HTR1F: variants seen among roughly 807,000 people sequenced by gnomAD.
HTR1F encodes 5-hydroxytryptamine receptor 1F, also known as 5-hydroxytryptamine (serotonin) receptor 1F, G protein-coupled.
A neutral mutation model predicts 24.0 loss-of-function variants in HTR1F; 17 were observed. The ratio of observed to expected loss-of-function variants is 0.71; its 90% CI spans 0.48 to 1.06. The LOEUF (loss-of-function observed/expected upper bound fraction) is 1.06. Among genes scored for constraint, HTR1F ranks in the 50% least tolerant of loss-of-function variants. HTR1F has a pLI of 0.00. For missense variants in HTR1F, 391 were observed against 427.8 expected (o/e 0.91, Z 0.76); for synonymous variants, 186 against 156.8 (o/e 1.19, Z -1.39).
intron 2 of HTR1F, among the ~76,000 whole-genome samples, chr3:87,939,247 T>G (rs1704502111): frequency 6.6e-6 from 1 of 152,130 alleles, no homozygotes; most frequent in South Asian, 2.1e-4. Flanking sequence ...TGGATAAGCT[T>G]TTTGATGTGC....
chr3:87,986,942 T>C (rs576911427), intron 2 of HTR1F, among the ~76,000 whole-genome samples: 4 of 152,056 alleles, frequency 2.6e-5, no homozygotes, highest in Non-Finnish European at 4.4e-5. Flanking sequence ...CCGTCTCTAC[T>C]AAAAATATAG....
intron 2 of HTR1F, among the ~76,000 whole-genome samples, chr3:87,967,265 C>A (rs1484988690): frequency 1.3e-5 from 2 of 152,082 alleles, no homozygotes; most frequent in East Asian, 1.9e-4. Flanking sequence ...GCCTTGCCAA[C>A]ATTTTGAAAC....
chr3:87,833,611 G>A (rs897954799), intron 2 of HTR1F, among the ~76,000 whole-genome samples: 1 of 152,022 alleles, frequency 6.6e-6, no homozygotes, highest in African/African-American at 2.4e-5. Flanking sequence ...AAGGGATCCT[G>A]CTGACTCAGC....
At chr3:87,858,769 T>C (rs1705254923) in intron 2 of HTR1F, among the ~76,000 whole-genome samples, 1 of 152,176 alleles carries the variant, frequency 6.6e-6, no homozygotes, top group Non-Finnish European at 1.5e-5. Flanking sequence ...AAAGAAATGC[T>C]TTACCATGAA....
intron 1 of HTR1F, among the ~76,000 whole-genome samples, chr3:87,813,319 G>A (rs187261206): frequency 6.6e-6 from 1 of 152,284 alleles, no homozygotes. Flanking sequence ...CTGCCCTACT[G>A]GATTTTGGAC....
At chr3:87,883,019 T>G (rs534129685) in intron 2 of HTR1F, among the ~76,000 whole-genome samples, 76 of 152,250 alleles carry the variant, frequency 5.0e-4, no homozygotes, top group Non-Finnish European at 9.1e-4. Context: ...CTGACCTCCA[T>G]GTAGCCTAAC....
chr3:87,802,801 A>G (rs1304160899), intron 1 of HTR1F, among the ~76,000 whole-genome samples: 1 of 152,150 alleles, frequency 6.6e-6, no homozygotes, highest in Non-Finnish European at 1.5e-5. Flanking sequence ...TTAGTTGCAT[A>G]TTTTCATGCC....
chr3:87,941,353 T>C (rs370478821), intron 2 of HTR1F, among the ~76,000 whole-genome samples: 1 of 152,214 alleles, frequency 6.6e-6, no homozygotes, highest in East Asian at 1.9e-4. Flanking sequence ...ATAGGCTGGA[T>C]ACGATCCTCA....
At chr3:87,795,147 C>A (rs1256433436) in intron 1 of HTR1F, among the ~76,000 whole-genome samples, 2 of 151,904 alleles carry the variant, frequency 1.3e-5, no homozygotes, top group Non-Finnish European at 2.9e-5. Flanking sequence ...GCCACCACAC[C>A]CAGCTAATTT....
At chr3:87,795,425 A>G (rs894304855) in intron 1 of HTR1F, among the ~76,000 whole-genome samples, 1 of 152,236 alleles carries the variant, frequency 6.6e-6, no homozygotes, top group Non-Finnish European at 1.5e-5. Context: ...CGTTAGTAAT[A>G]ACTGGGTAAT....
intron 2 of HTR1F, among the ~76,000 whole-genome samples, chr3:87,989,494 A>C (rs1705769947): frequency 6.6e-6 from 1 of 152,210 alleles, no homozygotes; most frequent in Non-Finnish European, 1.5e-5. Context: ...AAGACAAGTA[A>C]GCACTCTGAC....
intron 2 of HTR1F, among the ~76,000 whole-genome samples, chr3:87,962,960 ATT>A (rs1036852701): frequency 6.6e-6 from 1 of 151,586 alleles, no homozygotes; most frequent in South Asian, 2.1e-4. Flanking sequence ...AAAATTATGT[ATT>A]TTTTTTACTT....
chr3:87,989,147 A>G (rs751307172), intron 2 of HTR1F, among the ~76,000 whole-genome samples: 2 of 152,202 alleles, frequency 1.3e-5, no homozygotes, highest in Non-Finnish European at 2.9e-5. Flanking sequence ...AAAAAATGCT[A>G]TTTATCAAAG....
intron 2 of HTR1F, among the ~76,000 whole-genome samples, chr3:87,929,071 C>T (rs1265005768): frequency 6.6e-6 from 1 of 152,134 alleles, no homozygotes; most frequent in Non-Finnish European, 1.5e-5. Flanking sequence ...TAAAGTATGA[C>T]AGATTTACAT....
chr3:87,905,977 ATGGC>A (rs1472985835), intron 2 of HTR1F, among the ~76,000 whole-genome samples: 1 of 152,090 alleles, frequency 6.6e-6, no homozygotes, highest in African/African-American at 2.4e-5. Flanking sequence ...GGACTTTAGG[ATGGC>A]TGGCAAGGTT....
intron 2 of HTR1F, among the ~76,000 whole-genome samples, chr3:87,824,044 TA>T (rs35672458): frequency 0.15 from 19,596 of 134,596 alleles, 3,810 homozygotes; most frequent in African/African-American, 0.45. Flanking sequence ...AGACTCCGCC[TA>T]AAAAAAAAAA....
intron 2 of HTR1F, among the ~76,000 whole-genome samples, chr3:87,959,709 T>C (rs1254790463): frequency 6.6e-6 from 1 of 151,458 alleles, no homozygotes; most frequent in African/African-American, 2.4e-5. Flanking sequence ...TCTGATAATA[T>C]GAATTTCTTA....
At chr3:87,913,455 C>T (rs780165330) in intron 2 of HTR1F, among the ~76,000 whole-genome samples, 51 of 151,916 alleles carry the variant, frequency 3.4e-4, no homozygotes, top group African/African-American at 1.2e-3. Flanking sequence ...AGTGAGTTTG[C>T]AGAGAAAAAG....
At chr3:87,860,460 C>G (rs1270458953) in intron 2 of HTR1F, among the ~76,000 whole-genome samples, 2 of 152,128 alleles carry the variant, frequency 1.3e-5, no homozygotes, top group African/African-American at 4.8e-5. Context: ...GACACTAGGC[C>G]ACATCTTTAT....
Sources: allele counts gnomAD v4.1 joint callset (sites outside exome capture counted in the v4.1 genomes callset), GRCh38; gene constraint gnomAD v4.1.1; transcripts MANE v1.5; gene names NCBI Gene and HGNC (gene_info 2026-07-23, HGNC 2026-07-21).